The following PDE1C variants were observed in gnomAD, a reference collection of about 807,000 sequenced individuals.
PDE1C encodes dual specificity calcium/calmodulin-dependent 3',5'-cyclic nucleotide phosphodiesterase 1C.
In PDE1C, 62 loss-of-function variants were observed where a neutral mutation model predicts 93.1. That is an observed-to-expected ratio of 0.67 (90% CI 0.54 to 0.82). The LOEUF (loss-of-function observed/expected upper bound fraction) is 0.82. PDE1C is among the 40% of genes least tolerant of loss of function. The pLI is 0.00. For missense variants in PDE1C, 742 were observed against 884.6 expected, an observed-to-expected ratio of 0.84 and a Z score of 2.04; for synonymous variants, 325 against 310.1, an observed-to-expected ratio of 1.05 and a Z score of -0.50.
chr7:32,031,816 C>T (rs1026174048), intron 2 of PDE1C, among the ~76,000 whole-genome samples: 1 of 152,140 alleles, frequency 6.6e-6, no homozygotes, highest in Non-Finnish European at 1.5e-5. Flanking sequence ...AGGAAATTTA[C>T]ACAGTGGGGA....
intron 1 of PDE1C, among the ~76,000 whole-genome samples, chr7:32,233,986 T>A (rs983198781): frequency 2.6e-5 from 4 of 151,998 alleles, no homozygotes; most frequent in African/African-American, 7.2e-5. Context: ...AGAAAGTCAC[T>A]AATATAAAGA....
chr7:32,335,872 G>T (rs1193003215), intron 1 of PDE1C, among the ~76,000 whole-genome samples: 1 of 152,022 alleles, frequency 6.6e-6, no homozygotes, highest in African/African-American at 2.4e-5. Flanking sequence ...GGGTCCATAG[G>T]CATGCACCAC....
At chr7:32,214,476 G>C (rs1005797189) in intron 1 of PDE1C, among the ~76,000 whole-genome samples, 1 of 152,150 alleles carries the variant, frequency 6.6e-6, no homozygotes, top group Non-Finnish European at 1.5e-5. Flanking sequence ...AGGGCCTCTA[G>C]GGGTAGGACT....
intron 3 of PDE1C, among the ~76,000 whole-genome samples, chr7:32,169,493 C>T (rs1584894553): frequency 1.3e-5 from 2 of 152,178 alleles, no homozygotes; most frequent in Non-Finnish European, 1.5e-5. Context: ...GCAAAAGACT[C>T]ATTAATCCAA....
At chr7:31,743,573 G>GTGCA in the PDE1C span, among the ~76,000 whole-genome samples, 1 of 148,948 alleles carries the variant, frequency 6.7e-6, no homozygotes, top group African/African-American at 2.5e-5. Flanking sequence ...GTGTGTGTGT[G>GTGCA]CGCACACACA....
chr7:31,850,537 A>C, intron 8 of PDE1C, 104 bp downstream of exon 8: 1 of 771,602 alleles, frequency 1.3e-6, no homozygotes, highest in South Asian at 1.5e-5. Flanking sequence ...AGAAATTCAA[A>C]ATAGGAAACC....
chr7:31,620,330 C>A, the PDE1C span, among the ~76,000 whole-genome samples: 2 of 152,026 alleles, frequency 1.3e-5, no homozygotes, highest in African/African-American at 4.8e-5. Flanking sequence ...GACCCCTGAC[C>A]CCTGAGCAGC....
chr7:31,994,526 G>A (rs944286521), intron 2 of PDE1C, among the ~76,000 whole-genome samples: 1 of 152,122 alleles, frequency 6.6e-6, no homozygotes, highest in Non-Finnish European at 1.5e-5. Context: ...CCCCAAGATT[G>A]CCAAATTTAA....
At chr7:31,665,032 G>A in the PDE1C span, among the ~76,000 whole-genome samples, 3 of 152,120 alleles carry the variant, frequency 2.0e-5, no homozygotes, top group African/African-American at 7.2e-5. Flanking sequence ...TACATGACCT[G>A]ACCTTGCATA....
intron 2 of PDE1C, among the ~76,000 whole-genome samples, chr7:31,992,483 G>T (rs901249850): frequency 6.6e-6 from 1 of 152,204 alleles, no homozygotes; most frequent in Non-Finnish European, 1.5e-5. Context: ...TTGTTGGAGG[G>T]CAGGGATGTG....
intron 7 of PDE1C, among the ~76,000 whole-genome samples, chr7:31,857,637 C>T (rs1351493759): frequency 6.6e-6 from 1 of 152,048 alleles, no homozygotes; most frequent in African/African-American, 2.4e-5. Context: ...CTGGACAGAC[C>T]ACACAAACAC....
the PDE1C span, among the ~76,000 whole-genome samples, chr7:31,667,138 C>A: frequency 6.6e-6 from 1 of 152,020 alleles, no homozygotes; most frequent in Non-Finnish European, 1.5e-5. Flanking sequence ...GATGGGGGCA[C>A]AAGGGTGGTC....
At chr7:31,831,203 A>G (rs1231738506) in intron 11 of PDE1C, among the ~76,000 whole-genome samples, 5 of 152,228 alleles carry the variant, frequency 3.3e-5, no homozygotes, top group Non-Finnish European at 5.9e-5. Context: ...AGGCACAAAT[A>G]TAACATATGA....
intron 2 of PDE1C, among the ~76,000 whole-genome samples, chr7:32,026,912 C>G (rs1376257511): frequency 6.6e-6 from 1 of 152,058 alleles, no homozygotes; most frequent in Non-Finnish European, 1.5e-5. Flanking sequence ...AGAACCAAAT[C>G]TGAAAAGGCT....
At chr7:31,639,519 C>G in the PDE1C span, among the ~76,000 whole-genome samples, 1 of 137,108 alleles carries the variant, frequency 7.3e-6, no homozygotes. Flanking sequence ...TATAGTTTTT[C>G]TTTTGTTTGT....
intron 1 of PDE1C, among the ~76,000 whole-genome samples, chr7:32,379,125 G>T (rs116499619): frequency 6.6e-6 from 1 of 152,096 alleles, no homozygotes; most frequent in Admixed American, 6.5e-5. Flanking sequence ...ACTGAAAGAC[G>T]TGCAGTTCCC....
chr7:31,906,783 C>G (rs1800647382), intron 2 of PDE1C, among the ~76,000 whole-genome samples: 1 of 152,100 alleles, frequency 6.6e-6, no homozygotes, highest in Non-Finnish European at 1.5e-5. Context: ...CTTGAACAAG[C>G]TTTTTAAATA....
intron 3 of PDE1C, among the ~76,000 whole-genome samples, chr7:32,104,249 A>C (rs1798182954): frequency 1.3e-5 from 2 of 152,330 alleles, no homozygotes; most frequent in South Asian, 4.1e-4. Context: ...TCGGACCAGA[A>C]CTAGAGAGAA....
At chr7:31,891,805 TACACACACACACACAC>T (rs70989620) in intron 2 of PDE1C, among the ~76,000 whole-genome samples, 1 of 146,040 alleles carries the variant, frequency 6.8e-6, no homozygotes, top group Non-Finnish European at 1.5e-5. Flanking sequence ...AATGCATTCA[TACACACACACACACAC>T]ACACACACAC....
Sources: allele counts gnomAD v4.1 joint callset (sites outside exome capture counted in the v4.1 genomes callset), GRCh38; gene constraint gnomAD v4.1.1; transcripts MANE v1.5; gene names NCBI Gene and HGNC (gene_info 2026-07-23, HGNC 2026-07-21).